PTCHD4: variants seen among roughly 807,000 people sequenced by gnomAD.
PTCHD4 encodes the protein patched domain containing 4.
PTCHD4 carries 33 observed loss-of-function variants against 58.1 expected under a neutral mutation model. The observed-to-expected ratio is 0.57, with a 90% CI of 0.43 to 0.76. PTCHD4 has a LOEUF of 0.76. PTCHD4 is among the 30% of genes least tolerant of loss of function. PTCHD4 has a pLI of 0.00. For synonymous variants in PTCHD4, 478 were observed against 409.6 expected (o/e 1.17, Z -2.02); for missense variants, 1,058 against 1,027.1 (o/e 1.03, Z -0.41).
chr6:47,902,668 T>A (rs1434022631), intron 4 of PTCHD4, among the ~76,000 whole-genome samples: 1 of 152,230 alleles, frequency 6.6e-6, no homozygotes, highest in Non-Finnish European at 1.5e-5. Flanking sequence ...TTTTTCTTAC[T>A]GTGGCCTCCT....
chr6:47,951,018 G>A (rs1189998944), intron 4 of PTCHD4, among the ~76,000 whole-genome samples: 1 of 152,096 alleles, frequency 6.6e-6, no homozygotes, highest in African/African-American at 2.4e-5. Flanking sequence ...CTTAATTGGA[G>A]TGAGTTCAAA....
At chr6:47,922,390 C>T (rs375744400) in intron 4 of PTCHD4, among the ~76,000 whole-genome samples, 4 of 152,144 alleles carry the variant, frequency 2.6e-5, no homozygotes, top group African/African-American at 9.7e-5. Context: ...CTCTCTTCAC[C>T]ACCACCTTCC....
intron 3 of PTCHD4, among the ~76,000 whole-genome samples, chr6:48,009,646 T>C (rs529238985): frequency 6.6e-6 from 1 of 152,320 alleles, no homozygotes; most frequent in East Asian, 1.9e-4. Context: ...ATTTTGGGAA[T>C]ATAATTGCAT....
intron 1 of PTCHD4, among the ~76,000 whole-genome samples, chr6:48,106,501 A>C (rs1202959716): frequency 2.0e-5 from 3 of 152,228 alleles, no homozygotes; most frequent in Non-Finnish European, 4.4e-5. Context: ...TATCATACTG[A>C]ATGGACAAAA....
At chr6:47,982,285 T>C (rs1767906241) in intron 4 of PTCHD4, among the ~76,000 whole-genome samples, 1 of 152,140 alleles carries the variant, frequency 6.6e-6, no homozygotes, top group Admixed American at 6.5e-5. Context: ...TAGGCTGATA[T>C]CAAGTCCCAT....
intron 1 of PTCHD4, among the ~76,000 whole-genome samples, chr6:48,080,558 G>A (rs183548816): frequency 2.0e-5 from 3 of 152,112 alleles, no homozygotes; most frequent in African/African-American, 7.2e-5. Flanking sequence ...TTCCTGGGGG[G>A]AATTCCTAAT....
intron 4 of PTCHD4, among the ~76,000 whole-genome samples, chr6:47,943,532 T>C (rs761547265): frequency 6.6e-6 from 1 of 152,070 alleles, no homozygotes; most frequent in Non-Finnish European, 1.5e-5. Flanking sequence ...CAAGAGTCAA[T>C]TACAGTGCTT....
intron 1 of PTCHD4, among the ~76,000 whole-genome samples, chr6:48,095,762 G>A (rs1765458748): frequency 6.7e-6 from 1 of 149,680 alleles, no homozygotes; most frequent in Non-Finnish European, 1.5e-5. Flanking sequence ...TATAACTGTT[G>A]TGTTTCTATG....
At chr6:47,925,257 G>A (rs1010471221) in intron 4 of PTCHD4, among the ~76,000 whole-genome samples, 1 of 151,448 alleles carries the variant, frequency 6.6e-6, no homozygotes, top group African/African-American at 2.4e-5. Context: ...CAGCATCTAA[G>A]CTTCATGAAG....
chr6:47,915,554 T>G (rs1434931753), intron 4 of PTCHD4, among the ~76,000 whole-genome samples: 1 of 140,144 alleles, frequency 7.1e-6, no homozygotes, highest in Non-Finnish European at 1.5e-5. Context: ...AAAAGACTCA[T>G]AGAAAATAGA....
intron 3 of PTCHD4, among the ~76,000 whole-genome samples, chr6:48,027,166 C>A (rs750855510): frequency 6.6e-6 from 1 of 151,906 alleles, no homozygotes; most frequent in East Asian, 1.9e-4. Context: ...ATAACACTAC[C>A]AAATTAATTA....
intron 1 of PTCHD4, among the ~76,000 whole-genome samples, chr6:48,096,551 G>T (rs140703457): frequency 1.5e-4 from 23 of 151,276 alleles, no homozygotes; most frequent in African/African-American, 5.6e-4. Context: ...GGCAGAAGTT[G>T]CAGTGAGCCG....
intron 4 of PTCHD4, among the ~76,000 whole-genome samples, chr6:48,006,427 C>T (rs1762440693): frequency 6.6e-6 from 1 of 152,142 alleles, no homozygotes; most frequent in South Asian, 2.1e-4. Context: ...GCTTTCATTA[C>T]CTAATTAGTT....
At chr6:48,060,026 T>C (rs1764562837) in intron 3 of PTCHD4, among the ~76,000 whole-genome samples, 1 of 152,240 alleles carries the variant, frequency 6.6e-6, no homozygotes. Context: ...TATGAATTTA[T>C]CTATGTGATT....
chr6:47,987,748 A>T (rs1048630597), intron 4 of PTCHD4, among the ~76,000 whole-genome samples: 3 of 151,964 alleles, frequency 2.0e-5, no homozygotes, highest in African/African-American at 7.3e-5. Flanking sequence ...CATGAAAACT[A>T]ATCCCCATGT....
intron 4 of PTCHD4, among the ~76,000 whole-genome samples, chr6:47,949,008 G>A (rs904538956): frequency 3.9e-5 from 6 of 152,138 alleles, no homozygotes; most frequent in Admixed American, 3.3e-4. Flanking sequence ...ATTAAATGCT[G>A]TTCATGGAGA....
intron 4 of PTCHD4, among the ~76,000 whole-genome samples, chr6:47,915,694 C>T (rs1407020151): frequency 6.6e-6 from 1 of 151,132 alleles, no homozygotes. Flanking sequence ...TAATAAATTA[C>T]AGTGCTTGAC....
chr6:47,936,585 T>C (rs1766006520), intron 4 of PTCHD4, among the ~76,000 whole-genome samples: 1 of 152,190 alleles, frequency 6.6e-6, no homozygotes, highest in Non-Finnish European at 1.5e-5. Context: ...AGTTCAATGT[T>C]CTTTTTCCTA....
chr6:47,995,751 CA>C (rs1768462799), intron 4 of PTCHD4, among the ~76,000 whole-genome samples: 4 of 152,270 alleles, frequency 2.6e-5, no homozygotes, highest in Non-Finnish European at 4.4e-5. Flanking sequence ...AACTTGTCTA[CA>C]GGAGAGAAAG....
Sources: gnomAD v4.1 joint callset for allele counts (sites outside exome capture counted in the v4.1 genomes callset) on GRCh38, gnomAD v4.1.1 for gene constraint, MANE v1.5 for transcripts, NCBI Gene and HGNC (gene_info 2026-07-23, HGNC 2026-07-21) for gene names.